TAFA2: variants seen among roughly 807,000 people sequenced by gnomAD.
TAFA2 encodes the protein TAFA chemokine like family member 2.
TAFA2 carries 7 observed loss-of-function variants against 18.8 expected under a neutral mutation model. The observed-to-expected ratio is 0.37, with a 90% CI of 0.21 to 0.70. The LOEUF is 0.70. Among genes scored for constraint, TAFA2 ranks in the 30% least tolerant of loss-of-function variants. The pLI is 0.53. For missense variants in TAFA2, 122 were observed against 158.1 expected (o/e 0.77, Z 1.23); for synonymous variants, 60 against 54.2 (o/e 1.11, Z -0.47).
At chr12:61,911,875 AAC>A (rs1270378640) in intron 1 of TAFA2, among the ~76,000 whole-genome samples, 3 of 152,174 alleles carry the variant, frequency 2.0e-5, no homozygotes, top group Non-Finnish European at 4.4e-5. Context: ...GCAAAACAGA[AAC>A]ACAAGAAAAG....
At chr12:61,783,729 C>A (rs929743012) in intron 2 of TAFA2, among the ~76,000 whole-genome samples, 7 of 151,334 alleles carry the variant, frequency 4.6e-5, no homozygotes, top group African/African-American at 1.5e-4. Context: ...AAATTTAACT[C>A]ATTGAAATTC....
chr12:62,245,223 A>G (rs2136991775), intron 1 of TAFA2, among the ~76,000 whole-genome samples: 1 of 152,270 alleles, frequency 6.6e-6, no homozygotes, highest in Non-Finnish European at 1.5e-5. Context: ...TCTCAGCACC[A>G]CATAATGAAT....
At chr12:62,081,737 A>T (rs1362403494) in intron 1 of TAFA2, among the ~76,000 whole-genome samples, 1 of 152,030 alleles carries the variant, frequency 6.6e-6, no homozygotes, top group Non-Finnish European at 1.5e-5. Context: ...CGCCCGCCTC[A>T]GCCTCCCAAA....
At chr12:61,719,082 G>A (rs1421013964) in intron 4 of TAFA2, among the ~76,000 whole-genome samples, 1 of 152,078 alleles carries the variant, frequency 6.6e-6, no homozygotes, top group Non-Finnish European at 1.5e-5. Context: ...GAAAATTATG[G>A]CAGTTGGGGG....
intron 1 of TAFA2, among the ~76,000 whole-genome samples, chr12:61,949,767 CT>C (rs1364992995): frequency 2.0e-5 from 3 of 152,026 alleles, no homozygotes; most frequent in Non-Finnish European, 4.4e-5. Context: ...ATTTCATGTA[CT>C]TTTATTCTAG....
At chr12:61,869,189 T>C (rs1449316995) in intron 1 of TAFA2, among the ~76,000 whole-genome samples, 1 of 152,164 alleles carries the variant, frequency 6.6e-6, no homozygotes, top group East Asian at 1.9e-4. Context: ...TACAAGAAGA[T>C]AGGTATTTGA....
At chr12:61,853,444 T>C (rs999465428) in intron 2 of TAFA2, among the ~76,000 whole-genome samples, 1 of 151,264 alleles carries the variant, frequency 6.6e-6, no homozygotes, top group African/African-American at 2.5e-5. Context: ...ATTAGTGTTT[T>C]AATTTTTGAT....
intron 1 of TAFA2, among the ~76,000 whole-genome samples, chr12:62,065,161 C>T (rs1882452419): frequency 6.6e-6 from 1 of 151,944 alleles, no homozygotes; most frequent in South Asian, 2.1e-4. Flanking sequence ...GCATTTTCTG[C>T]AAGCTATTTT....
chr12:62,022,277 G>A (rs1210242692), intron 1 of TAFA2: 7 of 219,334 alleles, frequency 3.2e-5, no homozygotes, highest in Admixed American at 5.2e-5. Flanking sequence ...TGAAGGCAAC[G>A]GCAAGCCTTT....
intron 2 of TAFA2, among the ~76,000 whole-genome samples, chr12:61,798,735 A>C (rs886765722): frequency 6.6e-6 from 1 of 152,254 alleles, no homozygotes; most frequent in Non-Finnish European, 1.5e-5. Context: ...ACAATAGGAC[A>C]ACTATCAAAA....
intron 2 of TAFA2, among the ~76,000 whole-genome samples, chr12:61,843,462 A>T (rs988587756): frequency 6.6e-6 from 1 of 152,144 alleles, no homozygotes; most frequent in African/African-American, 2.4e-5. Flanking sequence ...GATAGTCCAT[A>T]CTTAGGATAG....
At chr12:62,230,966 A>G (rs1032663162) in intron 1 of TAFA2, among the ~76,000 whole-genome samples, 8 of 152,184 alleles carry the variant, frequency 5.3e-5, no homozygotes, top group Non-Finnish European at 7.3e-5. Context: ...ATGAGCTACC[A>G]CACCCAGCCA....
chr12:61,867,413 A>G lies in TAFA2; in HGVS notation c.13T>C (p.Tyr5His). The G allele has an allele frequency of 6.4e-7, 1 of 1,551,192 alleles. No individual in the cohort carries two copies. The highest frequency in any genetic ancestry group is 1.4e-5 in the African/African-American group (1 of 73,388). MSKR[Y>H]LQKATKGKLL... ...TTTCCTTTTGTTGCTTTCTGTAAGT[A>G]TCTCTTACTCATCCTGCAAATAAAA... is the stretch of plus-strand genomic sequence containing the variant. Residue 5 changes from tyrosine (Y) to histidine (H), a missense_variant, in exon 2 of 5, where the codon TAC becomes CAC. This residue lies in a region of TAFA2 where 62 missense variants were observed against 55.5 expected (regional missense o/e 1.12). Coordinates refer to ENST00000416284, the MANE Select transcript of TAFA2 (RefSeq NM_178539.5).
intron 4 of TAFA2, among the ~76,000 whole-genome samples, chr12:61,710,668 AATT>A (rs1166696231): frequency 6.6e-6 from 1 of 152,102 alleles, no homozygotes; most frequent in Non-Finnish European, 1.5e-5. Context: ...CTGTGACTAG[AATT>A]ATCCCAACTG....
chr12:62,122,652 C>T (rs184912182), intron 1 of TAFA2, among the ~76,000 whole-genome samples: 3 of 152,274 alleles, frequency 2.0e-5, no homozygotes, highest in East Asian at 1.9e-4. Flanking sequence ...ATATACCCAC[C>T]GTACTGCACT....
chr12:62,172,104 G>A (rs1414983738), intron 1 of TAFA2, among the ~76,000 whole-genome samples: 2 of 152,104 alleles, frequency 1.3e-5, no homozygotes, highest in African/African-American at 2.4e-5. Flanking sequence ...AAGAAAAACA[G>A]TATAGATCAT....
At chr12:62,019,643 G>C (rs11835202) in intron 1 of TAFA2, among the ~76,000 whole-genome samples, 51,523 of 146,224 alleles carry the variant, frequency 0.35, 9,470 homozygotes, top group Non-Finnish European at 0.39. Flanking sequence ...ACACAGGAAG[G>C]GGAACATCAC....
At chr12:61,825,979 TC>T (rs1170910170) in intron 2 of TAFA2, among the ~76,000 whole-genome samples, 2 of 152,008 alleles carry the variant, frequency 1.3e-5, no homozygotes, top group African/African-American at 4.8e-5. Flanking sequence ...TTCAAAAAAA[TC>T]AAAAGTTATT....
chr12:61,986,675 T>TA (rs1160455685), intron 1 of TAFA2, among the ~76,000 whole-genome samples: 1 of 151,952 alleles, frequency 6.6e-6, no homozygotes, highest in Admixed American at 6.6e-5. Context: ...AAAAATCACT[T>TA]AAACTGTTCA....
Sources: allele counts gnomAD v4.1 joint callset (sites outside exome capture counted in the v4.1 genomes callset), GRCh38; gene constraint gnomAD v4.1.1; regional missense constraint gnomAD v4.1.1; transcripts MANE v1.5; gene names NCBI Gene and HGNC (gene_info 2026-07-23, HGNC 2026-07-21).